The following DPYD variants were observed in gnomAD, a reference collection of about 807,000 sequenced individuals.
DPYD encodes the protein dihydropyrimidine dehydrogenase [NADP(+)].
DPYD carries 109 observed loss-of-function variants against 116.2 expected under a neutral mutation model. That is an observed-to-expected ratio of 0.94 (90% confidence interval 0.80 to 1.10). DPYD has a LOEUF of 1.10. Ranked by LOEUF, DPYD falls within the 50% of genes least tolerant of loss-of-function variation. The pLI is 0.00. For missense variants in DPYD, 1,302 were observed against 1,254.5 expected, an observed-to-expected ratio of 1.04 and a Z score of -0.57; for synonymous variants, 440 against 432.0, an observed-to-expected ratio of 1.02 and a Z score of -0.23.
At chr1:97,784,615 A>T (rs1666923098) in intron 3 of DPYD, among the ~76,000 whole-genome samples, 1 of 152,220 alleles carries the variant, frequency 6.6e-6, no homozygotes, top group African/African-American at 2.4e-5. Flanking sequence ...TACTCCACAC[A>T]GGCACTATGG....
chr1:97,689,348 T>C (rs1253652483), intron 7 of DPYD, among the ~76,000 whole-genome samples: 1 of 152,058 alleles, frequency 6.6e-6, no homozygotes, highest in Non-Finnish European at 1.5e-5. Flanking sequence ...AATACGCTTA[T>C]TAAACTACTA....
At chr1:97,846,272 A>T (rs973797867) in intron 2 of DPYD, among the ~76,000 whole-genome samples, 7 of 152,276 alleles carry the variant, frequency 4.6e-5, no homozygotes, top group Admixed American at 2.6e-4. Context: ...ACCTTGCTCT[A>T]TGCATCTCCT....
chr1:97,251,920 T>C (rs1158606995), intron 18 of DPYD, among the ~76,000 whole-genome samples: 2 of 152,178 alleles, frequency 1.3e-5, no homozygotes, highest in Non-Finnish European at 2.9e-5. Context: ...TGCCATCAAC[T>C]GATCACAAGT....
At chr1:97,646,481 A>AT (rs1296171030) in intron 8 of DPYD, among the ~76,000 whole-genome samples, 1 of 150,216 alleles carries the variant, frequency 6.7e-6, no homozygotes, top group East Asian at 2.0e-4. Context: ...TCTATTTCCT[A>AT]TTTTTTCTTA....
intron 1 of DPYD, among the ~76,000 whole-genome samples, chr1:97,890,972 C>T (rs1347621645): frequency 6.6e-6 from 1 of 151,900 alleles, no homozygotes; most frequent in East Asian, 1.9e-4. Context: ...TGCAAAAAGG[C>T]AGTGAGTTGA....
chr1:97,274,067 A>T (rs1400390259), intron 18 of DPYD, among the ~76,000 whole-genome samples: 2 of 152,190 alleles, frequency 1.3e-5, no homozygotes, highest in East Asian at 3.9e-4. Flanking sequence ...GATTTTATAC[A>T]ACATAAAGTT....
chr1:97,201,527 C>G (rs1659200675), intron 19 of DPYD, among the ~76,000 whole-genome samples: 1 of 152,062 alleles, frequency 6.6e-6, no homozygotes, highest in Non-Finnish European at 1.5e-5. Context: ...GCATTGCTTA[C>G]TGGAATTCAT....
chr1:97,512,233 T>G (rs1036893317), intron 13 of DPYD, among the ~76,000 whole-genome samples: 1 of 150,156 alleles, frequency 6.7e-6, no homozygotes, highest in Non-Finnish European at 1.5e-5. Flanking sequence ...AATACTTTGA[T>G]GCCAAAAAAA....
chr1:97,705,618 G>A (rs1661899825), intron 5 of DPYD, among the ~76,000 whole-genome samples: 2 of 152,058 alleles, frequency 1.3e-5, no homozygotes, highest in Admixed American at 1.3e-4. Flanking sequence ...CTTTATAGCA[G>A]CATGATTTAT....
At chr1:97,604,866 T>A (rs1655485533) in intron 8 of DPYD, among the ~76,000 whole-genome samples, 1 of 152,088 alleles carries the variant, frequency 6.6e-6, no homozygotes, top group South Asian at 2.1e-4. Flanking sequence ...CTGGGCCTTG[T>A]CTGTGTTTTT....
At chr1:97,846,330 G>T (rs1420092278) in intron 2 of DPYD, among the ~76,000 whole-genome samples, 83 of 152,292 alleles carry the variant, frequency 5.5e-4, no homozygotes, top group African/African-American at 1.9e-3. Context: ...AAAAAACTGG[G>T]AATCTAATAA....
intron 16 of DPYD, among the ~76,000 whole-genome samples, chr1:97,345,922 T>G (rs1009889386): frequency 6.6e-6 from 1 of 151,924 alleles, no homozygotes; most frequent in African/African-American, 2.4e-5. Flanking sequence ...TTTCCCAACA[T>G]GTTGCAAGAA....
intron 1 of DPYD, among the ~76,000 whole-genome samples, chr1:97,891,478 T>C (rs1477532211): frequency 6.6e-6 from 1 of 151,952 alleles, no homozygotes; most frequent in Non-Finnish European, 1.5e-5. Flanking sequence ...TAAGAAATGA[T>C]GGAATATTAT....
chr1:97,346,124 A>G (rs1410121498), intron 16 of DPYD, among the ~76,000 whole-genome samples: 1 of 151,830 alleles, frequency 6.6e-6, no homozygotes, highest in African/African-American at 2.4e-5. Flanking sequence ...ATGAAATAAT[A>G]TTCTTCCTTA....
At position 97,200,359 on chromosome 1, in the gene DPYD, C is replaced by T. The variant is rs192780138; in HGVS notation, c.2443-7111G>A. ...TACTGTAAATTCATTAGTAAAAGTT[C>T]TATTGGAGAATTACTACATTTAAGC... On this transcript the variant is annotated intron_variant, in intron 19 of 22. Transcript: ENST00000370192. Among the ~76,000 whole-genome samples, 5 of 152,228 alleles carry T rather than the reference C, an allele frequency of 3.3e-5. No individual in the cohort carries two copies. The East Asian group carries it at 9.7e-4, about 29-fold the overall frequency.
chr1:97,141,367 C>G (rs1654210524), intron 20 of DPYD, among the ~76,000 whole-genome samples: 1 of 151,996 alleles, frequency 6.6e-6, no homozygotes, highest in Admixed American at 6.6e-5. Context: ...ATTACTCCCC[C>G]TATCTACTCT....
chr1:97,628,720 A>G (rs1657082567), intron 8 of DPYD, among the ~76,000 whole-genome samples: 1 of 152,112 alleles, frequency 6.6e-6, no homozygotes, highest in South Asian at 2.1e-4. Flanking sequence ...GCAAAAAAAA[A>G]GTGGCTAGAA....
At chr1:97,436,323 C>A (rs1002002563) in intron 14 of DPYD, among the ~76,000 whole-genome samples, 1 of 151,950 alleles carries the variant, frequency 6.6e-6, no homozygotes, top group Admixed American at 6.6e-5. Context: ...AGCTTTTCAG[C>A]TCTTTGAATA....
At chr1:97,784,149 C>T (rs920945390) in intron 3 of DPYD, among the ~76,000 whole-genome samples, 2 of 152,170 alleles carry the variant, frequency 1.3e-5, no homozygotes, top group South Asian at 2.1e-4. Context: ...AGACTGTCAG[C>T]GTTCAACATA....
Sources: allele counts gnomAD v4.1 joint callset (sites outside exome capture counted in the v4.1 genomes callset), GRCh38; gene constraint gnomAD v4.1.1; transcripts MANE v1.5; gene names NCBI Gene and HGNC (gene_info 2026-07-23, HGNC 2026-07-21).